SQOR: variants seen among roughly 807,000 people sequenced by gnomAD.
SQOR encodes the protein sulfide:quinone oxidoreductase, mitochondrial.
Under a neutral mutation model 48.6 loss-of-function variants are expected in SQOR, and 39 were observed. That is an observed-to-expected ratio of 0.80 (90% CI 0.62 to 1.05). The LOEUF (loss-of-function observed/expected upper bound fraction) is 1.05, where lower values mean the gene tolerates loss of function less well. Ranked by LOEUF, SQOR falls within the 50% of genes least tolerant of loss-of-function variation. The probability of loss-of-function intolerance (pLI) is 0.00; values close to 1 mark genes in which losing one functional copy is unlikely to be tolerated. For missense variants in SQOR, 561 were observed against 559.9 expected, an observed-to-expected ratio of 1.00 and a Z score of -0.02; for synonymous variants, 220 against 206.2, an observed-to-expected ratio of 1.07 and a Z score of -0.57.
At chr15:45,662,717 A>G (rs754054405) in intron 3 of SQOR, among the ~76,000 whole-genome samples, 7 of 152,142 alleles carry the variant, frequency 4.6e-5, no homozygotes, top group Non-Finnish European at 7.4e-5. Flanking sequence ...TGGCCGCCCC[A>G]TGTTTGACTG....
At chr15:45,637,032 T>C (rs1019070710) in intron 1 of SQOR, among the ~76,000 whole-genome samples, 37 of 151,828 alleles carry the variant, frequency 2.4e-4, no homozygotes, top group Non-Finnish European at 3.5e-4. Flanking sequence ...TCGCCTAAGC[T>C]GGAGTACAGT....
chr15:45,655,234 C>G (rs1478174465), intron 1 of SQOR, among the ~76,000 whole-genome samples: 1 of 152,204 alleles, frequency 6.6e-6, no homozygotes, highest in African/African-American at 2.4e-5. Context: ...CTTAGCCAGG[C>G]CTCCTCCTAG....
At chr15:45,648,288 A>G (rs904695864) in intron 1 of SQOR, among the ~76,000 whole-genome samples, 3 of 151,632 alleles carry the variant, frequency 2.0e-5, no homozygotes, top group African/African-American at 7.3e-5. Context: ...AGCGATTCTC[A>G]TGCTTCAGCC....
chr15:45,645,894 C>G, intron 1 of SQOR: 1 of 152,130 alleles, frequency 6.6e-6, no homozygotes, highest in East Asian at 1.9e-4. Context: ...GGGAGTTTTC[C>G]CATGTTCCAG....
intron 3 of SQOR, among the ~76,000 whole-genome samples, chr15:45,667,943 T>TG (rs1889867818): frequency 1.3e-5 from 1 of 75,202 alleles, no homozygotes; most frequent in African/African-American, 4.4e-5. Context: ...CTTTCTTTCT[T>TG]TTTTTTTTTT....
At chr15:45,644,529 G>C (rs1036320195) in intron 1 of SQOR, among the ~76,000 whole-genome samples, 15 of 152,190 alleles carry the variant, frequency 9.9e-5, no homozygotes, top group African/African-American at 3.4e-4. Context: ...CCTGGGATTT[G>C]TTTTAATCAA....
chr15:45,649,990 G>A (rs764165870), intron 1 of SQOR, among the ~76,000 whole-genome samples: 1 of 151,736 alleles, frequency 6.6e-6, no homozygotes, highest in South Asian at 2.1e-4. Context: ...TTACAGTTAT[G>A]TGCCACCACA....
chr15:45,658,921 A>C lies in SQOR; in HGVS notation c.-3A>C. 1 of 1,550,198 alleles carries C rather than the reference A, an allele frequency of 6.5e-7. No individual in the cohort carries two copies. ...TTCCCTTCCAGCCTGATCCTGCCTG[A>C]AGATGGTGCCACTGGTGGCTGTGGT... On this transcript the variant is annotated 5_prime_UTR_variant, in exon 2 of 10. Coordinates refer to ENST00000260324, the MANE Select transcript of SQOR (RefSeq NM_021199.4).
At chr15:45,669,649 G>T (rs1019210737) in intron 3 of SQOR, among the ~76,000 whole-genome samples, 6 of 152,204 alleles carry the variant, frequency 3.9e-5, no homozygotes, top group Non-Finnish European at 8.8e-5. Flanking sequence ...AAGCAGTGAG[G>T]TGTGAGGCAT....
chr15:45,682,575 A>C lies in SQOR; in HGVS notation c.962A>C (p.Glu321Ala). ...GCTGGTTGGGTGGATGTGGATAAAG[A>C]AACTCTGCAACACAGGAGGTACCCA... ...DAAGWVDVDK[E>A]TLQHRRYPNV... The change falls in exon 7 of 10, where the codon GAA becomes GCA. Residue 321 changes from glutamate (E) to alanine (A), a missense_variant. By Grantham distance (107) the Glu-to-Ala change is moderately radical. Coordinates refer to ENST00000260324, the MANE Select transcript of SQOR (RefSeq NM_021199.4). 6.2e-7 allele frequency: 1 copy of C among 1,614,222 alleles called. No individual in the cohort carries two copies. Among genetic ancestry groups the C allele is most frequent in the Non-Finnish European group, 8.5e-7 (1 of 1,180,036 alleles).
At chr15:45,653,499 G>C (rs1318787601) in intron 1 of SQOR, among the ~76,000 whole-genome samples, 1 of 152,146 alleles carries the variant, frequency 6.6e-6, no homozygotes, top group Admixed American at 6.6e-5. Flanking sequence ...GGCCCTCTCC[G>C]GTCACACCAC....
At chr15:45,671,701 G>A (rs1054484547) in intron 4 of SQOR, among the ~76,000 whole-genome samples, 1 of 152,126 alleles carries the variant, frequency 6.6e-6, no homozygotes, top group African/African-American at 2.4e-5. Flanking sequence ...CCTCTGGCAG[G>A]GCTGGATCTC....
intron 1 of SQOR, among the ~76,000 whole-genome samples, chr15:45,643,972 T>C (rs777994485): frequency 1.3e-5 from 2 of 152,252 alleles, no homozygotes; most frequent in African/African-American, 4.8e-5. Flanking sequence ...ACTGTAGCTA[T>C]GTTATTTAGT....
At chr15:45,666,406 A>G (rs1413188654) in intron 3 of SQOR, among the ~76,000 whole-genome samples, 2 of 152,184 alleles carry the variant, frequency 1.3e-5, no homozygotes, top group Non-Finnish European at 2.9e-5. Context: ...CTAGCACAAT[A>G]TCTGGCACAT....
chr15:45,658,407 C>T (rs890166801), intron 1 of SQOR, among the ~76,000 whole-genome samples: 4 of 152,178 alleles, frequency 2.6e-5, no homozygotes, highest in African/African-American at 9.7e-5. Flanking sequence ...GGGTTTCTTG[C>T]TAGACGGTTT....
chr15:45,658,871 A>G, intron 1 of SQOR, 36 bp from the exon 2 acceptor site: 1 of 1,423,610 alleles, frequency 7.0e-7, no homozygotes, highest in South Asian at 1.5e-5. Context: ...GATGGTTTCT[A>G]CCTTGGCACT....
rs564981811 is a variant in SQOR, at chr15:45,678,983, G to T, written c.864+2673G>T. ...TCACTAAAATGAGCTATGAGTAAGA[G>T]CCCGAAGCATCCTTTTATGAGCAAA... On this transcript the variant is annotated intron_variant, in intron 6 of 9. Coordinates refer to ENST00000260324, the MANE Select transcript of SQOR (RefSeq NM_021199.4). Among the ~76,000 whole-genome samples, 3 of 152,310 alleles carry T rather than the reference G, an allele frequency of 2.0e-5. 1 individual carries two copies. Among genetic ancestry groups the T allele is most frequent in the Admixed American group, 2.0e-4 (3 of 15,300 alleles).
intron 1 of SQOR, among the ~76,000 whole-genome samples, chr15:45,650,384 G>A (rs1030526190): frequency 6.6e-6 from 1 of 152,174 alleles, no homozygotes; most frequent in Non-Finnish European, 1.5e-5. Context: ...GAATGTGTTT[G>A]GAGTTTCTTT....
intron 6 of SQOR, among the ~76,000 whole-genome samples, chr15:45,681,637 T>C (rs750025570): frequency 1.3e-5 from 2 of 152,202 alleles, no homozygotes; most frequent in Non-Finnish European, 2.9e-5. Context: ...AATCAATGTG[T>C]CCTTAACTGG....
Sources: gnomAD v4.1 joint callset for allele counts (sites outside exome capture counted in the v4.1 genomes callset) on GRCh38, gnomAD v4.1.1 for gene constraint, MANE v1.5 for transcripts, NCBI Gene and HGNC (gene_info 2026-07-23, HGNC 2026-07-21) for gene names.